Variants in NEDD4L observed in about 807,000 individuals in gnomAD.
The protein encoded by NEDD4L is E3 ubiquitin-protein ligase NEDD4-like.
Under a neutral mutation model 148.9 loss-of-function variants are expected in NEDD4L, and 54 were observed. The observed-to-expected ratio is 0.36, with a 90% confidence interval of 0.29 to 0.45. The LOEUF (loss-of-function observed/expected upper bound fraction) is 0.45, where lower values mean the gene tolerates loss of function less well. NEDD4L is among the 20% of genes least tolerant of loss of function. The pLI is 1.00. For missense variants in NEDD4L, 856 were observed against 1,233.8 expected, an observed-to-expected ratio of 0.69 and a Z score of 4.59; for synonymous variants, 433 against 440.7, an observed-to-expected ratio of 0.98 and a Z score of 0.22.
At chr18:58,064,491 T>A (rs979276518) in intron 1 of NEDD4L, among the ~76,000 whole-genome samples, 7 of 152,178 alleles carry the variant, frequency 4.6e-5, no homozygotes, top group African/African-American at 1.7e-4. Context: ...CTAGGGTAAG[T>A]TTTCCTTTCC....
chr18:58,347,425 G>A (rs532651991), intron 16 of NEDD4L, among the ~76,000 whole-genome samples: 11 of 152,036 alleles, frequency 7.2e-5, no homozygotes, highest in Non-Finnish European at 1.0e-4. Context: ...TGGTTGTGGC[G>A]TTACCTGGTC....
In NEDD4L at chr18:58,240,278, C is replaced by T. The variant is rs77007001; in HGVS notation, c.123-5149C>T. ...GTTTTTCTTTTGGATTTTGTTTACT[C>T]AGTGAAAAATACTGAGGAACCTGAG... On this transcript the variant is annotated intron_variant, in intron 2 of 30. Coordinates refer to ENST00000400345, the MANE Select transcript of NEDD4L (RefSeq NM_001144967.3). Among the ~76,000 whole-genome samples, 196 of 152,100 alleles carry T rather than the reference C, an allele frequency of 1.3e-3. 2 individuals carry two copies. In the East Asian group the frequency reaches 0.028, roughly 22 times the overall value.
chr18:58,314,303 A>G (rs1413352194), intron 5 of NEDD4L, among the ~76,000 whole-genome samples: 1 of 151,814 alleles, frequency 6.6e-6, no homozygotes, highest in Non-Finnish European at 1.5e-5. Flanking sequence ...TGTAGTCCCA[A>G]TTACTCAGTA....
intron 1 of NEDD4L, among the ~76,000 whole-genome samples, chr18:58,108,311 T>C (rs2085202469): frequency 6.6e-6 from 1 of 152,230 alleles, no homozygotes; most frequent in South Asian, 2.1e-4. Context: ...AAAAGTAGCT[T>C]TTAACTCCAA....
At chr18:58,242,012 G>T (rs1463085635) in intron 2 of NEDD4L, among the ~76,000 whole-genome samples, 1 of 152,108 alleles carries the variant, frequency 6.6e-6, no homozygotes, top group Non-Finnish European at 1.5e-5. Context: ...TTGATGCCAA[G>T]AGTGAATTCT....
chr18:58,353,900 G>A (rs2044249310), intron 18 of NEDD4L, among the ~76,000 whole-genome samples: 1 of 152,142 alleles, frequency 6.6e-6, no homozygotes, highest in Non-Finnish European at 1.5e-5. Context: ...AGCATACCTG[G>A]CACGTGGGTC....
intron 29 of NEDD4L, among the ~76,000 whole-genome samples, chr18:58,391,166 C>G (rs2049786364): frequency 6.6e-6 from 1 of 152,174 alleles, no homozygotes; most frequent in Non-Finnish European, 1.5e-5. Context: ...CATTCACCCT[C>G]CCACCCACAA....
chr18:58,387,327 A>G (rs1444064214), intron 26 of NEDD4L, 112 bp from the exon 27 acceptor site: 16 of 1,219,672 alleles, frequency 1.3e-5, no homozygotes, highest in Non-Finnish European at 1.7e-5. Flanking sequence ...CATAGGAATC[A>G]TCAGGAGAGA....
chr18:58,109,931 T>A (rs184773555), intron 1 of NEDD4L, among the ~76,000 whole-genome samples: 1 of 152,264 alleles, frequency 6.6e-6, no homozygotes, highest in African/African-American at 2.4e-5. Flanking sequence ...AAGACCAAAC[T>A]GACAGCAGCT....
At chr18:58,081,852 T>G (rs72942935) in intron 1 of NEDD4L, among the ~76,000 whole-genome samples, 6,119 of 152,142 alleles carry the variant, frequency 0.04, 193 homozygotes, top group Non-Finnish European at 0.054. Context: ...AAATGCGTTT[T>G]GCATAGAATT....
At chr18:58,185,797 C>A (rs1219824247) in intron 2 of NEDD4L, among the ~76,000 whole-genome samples, 2 of 151,920 alleles carry the variant, frequency 1.3e-5, no homozygotes, top group African/African-American at 4.8e-5. Context: ...CGCTTGAACC[C>A]AGGAGGCAGA....
intron 2 of NEDD4L, among the ~76,000 whole-genome samples, chr18:58,224,907 A>C (rs1426185459): frequency 6.6e-6 from 1 of 152,190 alleles, no homozygotes; most frequent in Non-Finnish European, 1.5e-5. Context: ...ACAGTCTTGA[A>C]GCATTGGTCT....
chr18:58,117,065 G>T (rs1440365905), intron 1 of NEDD4L, among the ~76,000 whole-genome samples: 1 of 152,212 alleles, frequency 6.6e-6, no homozygotes, highest in Non-Finnish European at 1.5e-5. Context: ...GAAAGCAAGT[G>T]CTTAGTAAAC....
chr18:58,384,578 A>T (rs954427478), intron 25 of NEDD4L, among the ~76,000 whole-genome samples: 26 of 152,224 alleles, frequency 1.7e-4, no homozygotes, highest in Admixed American at 1.6e-3. Context: ...CATTCTTTGC[A>T]GTTAATTCTT....
At chr18:58,254,560 C>CA (rs71173040) in intron 5 of NEDD4L, among the ~76,000 whole-genome samples, 5,847 of 111,860 alleles carry the variant, frequency 0.052, 221 homozygotes, top group African/African-American at 0.11. Context: ...AAATTATTAC[C>CA]AAAAAAAAAA....
chr18:58,306,848 G>C (rs993057093), intron 5 of NEDD4L, among the ~76,000 whole-genome samples: 1 of 152,176 alleles, frequency 6.6e-6, no homozygotes, highest in African/African-American at 2.4e-5. Context: ...TGGCCAGGCT[G>C]TTCTCGAACT....
chr18:58,383,106 C>A, intron 24 of NEDD4L, 140 bp from the exon 25 acceptor site: 1 of 573,266 alleles, frequency 1.7e-6, no homozygotes, highest in South Asian at 2.4e-5. Flanking sequence ...ATTGGACATT[C>A]TCTTGTGCAC....
At chr18:58,171,942 A>T (rs2037557459) in intron 2 of NEDD4L, among the ~76,000 whole-genome samples, 1 of 152,162 alleles carries the variant, frequency 6.6e-6, no homozygotes, top group South Asian at 2.1e-4. Flanking sequence ...TCTCCATTTG[A>T]TGCTGATGTT....
chr18:58,081,872 TA>T (rs971919428), intron 1 of NEDD4L, among the ~76,000 whole-genome samples: 4 of 151,996 alleles, frequency 2.6e-5, no homozygotes, highest in Non-Finnish European at 5.9e-5. Context: ...TGAAATTGCC[TA>T]TTTACCTCAA....
Sources: allele counts gnomAD v4.1 joint callset (sites outside exome capture counted in the v4.1 genomes callset), GRCh38; gene constraint gnomAD v4.1.1; transcripts MANE v1.5; gene names NCBI Gene and HGNC (gene_info 2026-07-23, HGNC 2026-07-21).